SLC39A11: variants seen among roughly 807,000 people sequenced by gnomAD.
SLC39A11 encodes the protein zinc transporter ZIP11.
A neutral mutation model predicts 36.1 loss-of-function variants in SLC39A11; 33 were observed. The observed-to-expected ratio is 0.91, with a 90% CI of 0.69 to 1.22. SLC39A11 has a LOEUF of 1.22. SLC39A11 is among the 50% of genes most tolerant of loss of function. SLC39A11 has a pLI of 0.00. For missense variants in SLC39A11, 432 were observed against 430.3 expected, an observed-to-expected ratio of 1.00 and a Z score of -0.03; for synonymous variants, 166 against 170.3, an observed-to-expected ratio of 0.97 and a Z score of 0.20.
At chr17:72,985,407 C>CTTTTGTT (rs2088653531) in intron 4 of SLC39A11, among the ~76,000 whole-genome samples, 1 of 78,928 alleles carries the variant, frequency 1.3e-5, no homozygotes, top group Non-Finnish European at 2.3e-5. Context: ...TGGGGCCTGC[C>CTTTTGTT]TTTTTTTTTT....
chr17:72,818,455 T>C (rs780049922), intron 6 of SLC39A11, among the ~76,000 whole-genome samples: 1 of 152,212 alleles, frequency 6.6e-6, no homozygotes, highest in African/African-American at 2.4e-5. Flanking sequence ...AAGGATGGCT[T>C]AGACTCGCAG....
At chr17:73,078,321 T>C (rs2060395324) in intron 3 of SLC39A11, among the ~76,000 whole-genome samples, 1 of 151,986 alleles carries the variant, frequency 6.6e-6, no homozygotes, top group African/African-American at 2.4e-5. Flanking sequence ...CATTTTTGTC[T>C]CCAGTTTAAA....
At chr17:72,877,459 G>A (rs534126014) in intron 5 of SLC39A11, among the ~76,000 whole-genome samples, 2 of 152,292 alleles carry the variant, frequency 1.3e-5, no homozygotes, top group Admixed American at 6.5e-5. Flanking sequence ...CCAGTGCCAC[G>A]TTAAAATGGG....
At chr17:72,805,500 T>TCTGTGGCCAGATGTGCTGTCA (rs2077220752) in intron 6 of SLC39A11, among the ~76,000 whole-genome samples, 3 of 152,208 alleles carry the variant, frequency 2.0e-5, no homozygotes, top group Admixed American at 6.5e-5. Flanking sequence ...TGCCCGATCT[T>TCTGTGGCCAGATGTGCTGTCA]CTGTGGCCAG....
At chr17:72,702,939 C>CAATAAAAAAAAA (rs2072718302) in intron 7 of SLC39A11, among the ~76,000 whole-genome samples, 1 of 86,846 alleles carries the variant, frequency 1.2e-5, no homozygotes, top group Non-Finnish European at 2.1e-5. Flanking sequence ...TCCATCTCAC[C>CAATAAAAAAAAA]AAAAAAAAAA....
chr17:73,075,247 A>G (rs1409203915), intron 3 of SLC39A11, among the ~76,000 whole-genome samples: 1 of 152,244 alleles, frequency 6.6e-6, no homozygotes, highest in Non-Finnish European at 1.5e-5. Flanking sequence ...TTGTCCCTTT[A>G]AACATGCAGA....
chr17:72,824,790 G>C (rs2077943406), intron 6 of SLC39A11, among the ~76,000 whole-genome samples: 1 of 151,256 alleles, frequency 6.6e-6, no homozygotes, highest in African/African-American at 2.4e-5. Flanking sequence ...GAATTTGAGA[G>C]TGATAAATTA....
At chr17:72,719,769 T>C (rs1402649801) in intron 7 of SLC39A11, among the ~76,000 whole-genome samples, 1 of 152,206 alleles carries the variant, frequency 6.6e-6, no homozygotes, top group Non-Finnish European at 1.5e-5. Context: ...GATAGCTTCC[T>C]GTGCCAAGAT....
chr17:72,990,016 T>C (rs2089054755), intron 4 of SLC39A11, among the ~76,000 whole-genome samples: 1 of 152,220 alleles, frequency 6.6e-6, no homozygotes, highest in Non-Finnish European at 1.5e-5. Flanking sequence ...TATCAGACTA[T>C]TTGCAGATGA....
chr17:72,765,524 T>G (rs2075729772), intron 6 of SLC39A11, among the ~76,000 whole-genome samples: 1 of 152,202 alleles, frequency 6.6e-6, no homozygotes, highest in Non-Finnish European at 1.5e-5. Flanking sequence ...ATTGGCTTTA[T>G]CTGGGCAGCA....
chr17:73,030,986 T>C (rs1477933036), intron 4 of SLC39A11, among the ~76,000 whole-genome samples: 1 of 152,196 alleles, frequency 6.6e-6, no homozygotes, highest in African/African-American at 2.4e-5. Flanking sequence ...CATTTTTACA[T>C]TTTTAAAATT....
At chr17:72,982,518 G>A (rs1449898842) in intron 4 of SLC39A11, among the ~76,000 whole-genome samples, 4 of 152,206 alleles carry the variant, frequency 2.6e-5, no homozygotes, top group South Asian at 4.1e-4. Context: ...GGCCTCTTTC[G>A]TCCATATCGG....
At position 72,959,325 on chromosome 17, in the gene SLC39A11, G is replaced by GTGTGTGTATA. The variant is rs1436484912; in HGVS notation, c.307-11451_307-11450insTATACACACA. Among the ~76,000 whole-genome samples the GTGTGTGTATA allele has an allele frequency of 8.5e-4, 56 of 65,528 alleles. 1 individual carries two copies. The highest frequency in any genetic ancestry group is 3.7e-3 in the African/African-American group (53 of 14,520). The allele number at this position is 65,528 out of a possible 152,430, so 43.0% of individuals were successfully genotyped here. ...CTGGTGTATGTATGTGTGTGTGTGT[G>GTGTGTGTATA]TATATATATATATATATATATATAT... On this transcript the variant is annotated intron_variant, in intron 4 of 9. Transcript: ENST00000255559.
chr17:72,684,666 G>A (rs1283484324), intron 7 of SLC39A11, among the ~76,000 whole-genome samples: 1 of 152,188 alleles, frequency 6.6e-6, no homozygotes, highest in African/African-American at 2.4e-5. Context: ...CCATGATTAT[G>A]ACTTTGGTGA....
intron 5 of SLC39A11, among the ~76,000 whole-genome samples, chr17:72,941,506 C>T (rs1457995255): frequency 6.6e-6 from 1 of 151,704 alleles, no homozygotes; most frequent in Non-Finnish European, 1.5e-5. Context: ...CCTCATGCCA[C>T]ATGAAAATTT....
intron 6 of SLC39A11, among the ~76,000 whole-genome samples, chr17:72,763,799 A>C (rs1055733324): frequency 7.2e-5 from 11 of 152,346 alleles, no homozygotes; most frequent in South Asian, 2.1e-4. Flanking sequence ...CTTCACTTGA[A>C]GGAGCCAGAA....
chr17:73,081,834 T>C (rs1270092380), intron 3 of SLC39A11, among the ~76,000 whole-genome samples: 1 of 150,632 alleles, frequency 6.6e-6, no homozygotes, highest in African/African-American at 2.4e-5. Flanking sequence ...CGCAGCAATC[T>C]GGATGGAATT....
Position 72,963,164 on chromosome 17 carries a change from C to CTTTT in SLC39A11, c.307-15290_307-15289insAAAA, listed in dbSNP as rs1555653378. Among the ~76,000 whole-genome samples the CTTTT allele has an allele frequency of 8.8e-4, 95 of 107,984 alleles. 6 individuals are homozygous for CTTTT. Among genetic ancestry groups the CTTTT allele is most frequent in the African/African-American group, 3.2e-3 (78 of 24,262 alleles). The allele number at this position is 107,984 out of a possible 152,430, so 70.8% of individuals were successfully genotyped here. ...CACCATGGGGTATAATTCTTTTTTT[C>CTTTT]CTTTCTTTTTTTTTTTTTTTTTTTG... On this transcript the variant is annotated intron_variant, in intron 4 of 9. Transcript: ENST00000255559.
chr17:72,652,906 C>T (rs997194586), intron 7 of SLC39A11, among the ~76,000 whole-genome samples: 10 of 152,186 alleles, frequency 6.6e-5, no homozygotes, highest in East Asian at 1.9e-4. Context: ...CAGAAACTCC[C>T]GGGAGATGTG....
Sources: allele counts gnomAD v4.1 joint callset (sites outside exome capture counted in the v4.1 genomes callset), GRCh38; gene constraint gnomAD v4.1.1; transcripts MANE v1.5; gene names NCBI Gene and HGNC (gene_info 2026-07-23, HGNC 2026-07-21).